The following DLGAP4 variants were observed in gnomAD, a reference collection of about 807,000 sequenced individuals.
DLGAP4 encodes disks large-associated protein 4.
Under a neutral mutation model 86.9 loss-of-function variants are expected in DLGAP4, and 18 were observed. The ratio of observed to expected loss-of-function variants is 0.21; its 90% confidence interval spans 0.14 to 0.31. DLGAP4 has a LOEUF of 0.31. DLGAP4 is among the 10% of genes least tolerant of loss of function. The probability of loss-of-function intolerance (pLI) is 1.00; values close to 1 mark genes in which losing one functional copy is unlikely to be tolerated. For missense variants in DLGAP4, 1,085 were observed against 1,362.6 expected (o/e 0.80, Z 3.21); for synonymous variants, 548 against 574.3 (o/e 0.95, Z 0.65).
intron 10 of DLGAP4, among the ~76,000 whole-genome samples, chr20:36,518,671 T>A (rs1164836896): frequency 6.6e-6 from 1 of 152,144 alleles, no homozygotes; most frequent in Admixed American, 6.6e-5. Context: ...CTAACCTATT[T>A]ATATTAATGT....
intron 2 of DLGAP4, among the ~76,000 whole-genome samples, chr20:36,413,311 G>C (rs2032556939): frequency 6.7e-6 from 1 of 149,914 alleles, no homozygotes; most frequent in Non-Finnish European, 1.5e-5. Flanking sequence ...CCCTAACAGA[G>C]ACCTTGTACC....
chr20:36,342,424 G>C (rs1218891104), intron 1 of DLGAP4, among the ~76,000 whole-genome samples: 1 of 152,172 alleles, frequency 6.6e-6, no homozygotes, highest in Non-Finnish European at 1.5e-5. Context: ...AGTCTGTTTG[G>C]GGCTGGAGGC....
intron 10 of DLGAP4, among the ~76,000 whole-genome samples, chr20:36,521,024 G>T (rs2147854607): frequency 6.6e-6 from 1 of 152,246 alleles, no homozygotes; most frequent in African/African-American, 2.4e-5. Flanking sequence ...GTAGAGATGG[G>T]GTTTTGCCAT....
rs565617106 is a variant in DLGAP4 at position 36,354,121 on chromosome 20, C to T, written c.-303-12924C>T. 2.4e-3 allele frequency among the ~76,000 whole-genome samples: 373 copies of T among 152,304 alleles called. 1 individual carries two copies. The highest frequency in any genetic ancestry group is 0.01 in the Middle Eastern group (3 of 294). On this transcript the variant is annotated intron_variant, in intron 1 of 12. Coordinates refer to ENST00000339266, the MANE Select transcript of DLGAP4 (RefSeq NM_001365621.2). The stretch of plus-strand genomic sequence containing the variant: ...GGCCTCCCGCCTCAGGCCACATTCT[C>T]TCTGGGGGACTTGTCAACTCCACTG...
At chr20:36,463,616 C>T (rs991373094) in intron 7 of DLGAP4, among the ~76,000 whole-genome samples, 1 of 152,190 alleles carries the variant, frequency 6.6e-6, no homozygotes, top group African/African-American at 2.4e-5. Context: ...GATGGGCGTG[C>T]CCATCGGGAT....
intron 7 of DLGAP4, among the ~76,000 whole-genome samples, chr20:36,479,995 AC>A (rs1331084635): frequency 6.6e-6 from 1 of 152,154 alleles, no homozygotes; most frequent in East Asian, 1.9e-4. Context: ...ACAGTTCCTC[AC>A]CTGCCAAGCC....
chr20:36,445,800 A>C (rs2033577137), intron 6 of DLGAP4, among the ~76,000 whole-genome samples: 1 of 151,460 alleles, frequency 6.6e-6, no homozygotes, highest in Non-Finnish European at 1.5e-5. Flanking sequence ...TGGCCAACTG[A>C]CCCCCCAGCT....
rs782766455 is a variant in DLGAP4, at chr20:36,306,903, C to T, written c.-304+391C>T. On this transcript the variant is annotated intron_variant, in intron 1 of 12. Transcript: ENST00000339266. The surrounding 1 kb of genome is among the most constrained non-coding windows in gnomAD (Gnocchi z 4.9). ...GGAAGCCCCCTCCTCAGGCCCGCCC[C>T]CTAATCCGCAGGGCGGCCTGGGGGT... Among the ~76,000 whole-genome samples the T allele has an allele frequency of 6.6e-6, 1 of 152,210 alleles. No individual in the cohort carries two copies. The highest frequency in any genetic ancestry group is 1.5e-5 in the Non-Finnish European group (1 of 68,030).
intron 2 of DLGAP4, among the ~76,000 whole-genome samples, chr20:36,376,450 TAC>T (rs1569477810): frequency 6.6e-6 from 1 of 151,938 alleles, no homozygotes. Flanking sequence ...CAGCCTGGGA[TAC>T]AGAGCAAGAC....
rs139882493 is a variant in DLGAP4 at position 36,424,048 on chromosome 20, C to A, written c.-72-7598C>A. Among the ~76,000 whole-genome samples the A allele has an allele frequency of 3.6e-4, 55 of 152,130 alleles. 1 individual carries two copies. The East Asian group carries it at 8.7e-3, about 24-fold the overall frequency. On this transcript the variant is annotated intron_variant, in intron 2 of 12. Transcript: ENST00000339266. ...AATGACTGAATCACCAAGTGTCCTG[C>A]AGTGAGGAGGGGAAGAAGTAGAATC...
At chr20:36,316,841 G>C (rs2065105313) in intron 1 of DLGAP4, among the ~76,000 whole-genome samples, 1 of 152,128 alleles carries the variant, frequency 6.6e-6, no homozygotes, top group African/African-American at 2.4e-5. Context: ...TCTTCTCTGG[G>C]GGCCACCTCC....
At chr20:36,341,187 C>T (rs551544955) in intron 1 of DLGAP4, among the ~76,000 whole-genome samples, 31 of 152,312 alleles carry the variant, frequency 2.0e-4, no homozygotes, top group African/African-American at 5.8e-4. Flanking sequence ...GACCTCGGCC[C>T]GGCCATCTCT....
chr20:36,343,131 G>A (rs2065400715), intron 1 of DLGAP4, among the ~76,000 whole-genome samples: 1 of 152,184 alleles, frequency 6.6e-6, no homozygotes, highest in South Asian at 2.1e-4. Context: ...GAAAGCCTCT[G>A]AAGTGCCGGC....
intron 1 of DLGAP4, among the ~76,000 whole-genome samples, chr20:36,360,605 T>C (rs1555894153): frequency 1.3e-5 from 2 of 151,874 alleles, no homozygotes; most frequent in East Asian, 3.9e-4. Context: ...GGGTGGCGGC[T>C]TGGTGGGTGG....
intron 8 of DLGAP4, chr20:36,498,088 T>C (rs2035965152): frequency 6.6e-6 from 1 of 152,214 alleles, no homozygotes; most frequent in Admixed American, 6.5e-5. Flanking sequence ...CCCTGAGCAA[T>C]TGGATGTGGC....
Position 36,344,032 on chromosome 20 carries a change from A to G in DLGAP4, c.-303-23013A>G, listed in dbSNP as rs1306528302. Reference sequence around the variant, plus strand: ...GTTCACCTTGCCAGGGGAGCCTAGCATAGACCATCAGGAAAAAGTCTGTGC... The same window carrying G: ...GTTCACCTTGCCAGGGGAGCCTAGCGTAGACCATCAGGAAAAAGTCTGTGC... On this transcript the variant is annotated intron_variant, in intron 1 of 12. Coordinates refer to ENST00000339266, the MANE Select transcript of DLGAP4 (RefSeq NM_001365621.2). Among the ~76,000 whole-genome samples the G allele has an allele frequency of 3.3e-5, 5 of 152,304 alleles. 1 individual carries two copies. Among genetic ancestry groups the G allele is most frequent in the Non-Finnish European group, 1.5e-5 (1 of 68,018 alleles).
intron 7 of DLGAP4, among the ~76,000 whole-genome samples, chr20:36,453,186 G>C (rs996621170): frequency 6.6e-6 from 1 of 152,206 alleles, no homozygotes; most frequent in African/African-American, 2.4e-5. Context: ...AGCTCAGGCC[G>C]GGTACAGTGC....
At chr20:36,401,393 G>A (rs547708434) in intron 2 of DLGAP4, among the ~76,000 whole-genome samples, 2 of 152,220 alleles carry the variant, frequency 1.3e-5, no homozygotes, top group Admixed American at 6.5e-5. Context: ...TGAGGAGGGG[G>A]CTCTGAGCTG....
intron 1 of DLGAP4, among the ~76,000 whole-genome samples, chr20:36,356,862 G>A (rs2030347085): frequency 1.3e-5 from 2 of 152,016 alleles, no homozygotes; most frequent in South Asian, 4.2e-4. Context: ...ACAGAAATCT[G>A]GGAATCATCC....
Sources: allele counts gnomAD v4.1 joint callset (sites outside exome capture counted in the v4.1 genomes callset), GRCh38; gene constraint gnomAD v4.1.1; non-coding constraint Gnocchi (gnomAD v3.1); transcripts MANE v1.5; gene names NCBI Gene and HGNC (gene_info 2026-07-23, HGNC 2026-07-21).